Variants in CPED1 observed in about 807,000 individuals in gnomAD.
CPED1 encodes cadherin like and PC-esterase domain containing 1, also known as cadherin-like and PC-esterase domain-containing protein 1.
In CPED1, 114 loss-of-function variants were observed where a neutral mutation model predicts 128.2. That is an observed-to-expected ratio of 0.89 (90% CI 0.76 to 1.04). CPED1 has a LOEUF of 1.04. Ranked by LOEUF, CPED1 falls within the 50% of genes least tolerant of loss-of-function variation. CPED1 has a pLI of 0.00. For missense variants in CPED1, 1,211 were observed against 1,207.1 expected (o/e 1.00, Z -0.05); for synonymous variants, 462 against 426.7 (o/e 1.08, Z -1.02).
chr7:121,086,792 C>T (rs1794435625), intron 5 of CPED1, among the ~76,000 whole-genome samples: 1 of 152,182 alleles, frequency 6.6e-6, no homozygotes, highest in Admixed American at 6.5e-5. Flanking sequence ...TAAGGGTGGC[C>T]ATGAACTTTT....
intron 16 of CPED1, among the ~76,000 whole-genome samples, chr7:121,196,559 A>G (rs1490365516): frequency 6.6e-6 from 1 of 152,156 alleles, no homozygotes; most frequent in Non-Finnish European, 1.5e-5. Flanking sequence ...CTAGGAAAAC[A>G]GATTTGGCTG....
chr7:121,008,452 A>G (rs1792080707), intron 2 of CPED1, among the ~76,000 whole-genome samples: 2 of 152,280 alleles, frequency 1.3e-5, no homozygotes, highest in South Asian at 4.1e-4. Flanking sequence ...AACAGCAAGG[A>G]CCTTCAAGAG....
intron 16 of CPED1, among the ~76,000 whole-genome samples, chr7:121,222,853 T>G (rs1228063501): frequency 6.6e-6 from 1 of 152,214 alleles, no homozygotes; most frequent in Non-Finnish European, 1.5e-5. Context: ...AAGGAGATTT[T>G]GGGCTGAGAC....
intron 16 of CPED1, among the ~76,000 whole-genome samples, chr7:121,183,723 C>T (rs1796944513): frequency 6.6e-6 from 1 of 152,138 alleles, no homozygotes; most frequent in Non-Finnish European, 1.5e-5. Context: ...TTCAGGATTT[C>T]AATTTTGCTT....
intron 2 of CPED1, among the ~76,000 whole-genome samples, chr7:120,997,506 C>A (rs1405898708): frequency 2.0e-5 from 3 of 152,078 alleles, no homozygotes; most frequent in African/African-American, 7.2e-5. Flanking sequence ...ATGTTGAAGC[C>A]CTAAACTCCA....
At chr7:121,013,118 C>G (rs945844647) in intron 2 of CPED1, among the ~76,000 whole-genome samples, 1 of 152,178 alleles carries the variant, frequency 6.6e-6, no homozygotes, top group Non-Finnish European at 1.5e-5. Flanking sequence ...AAGCATCTGT[C>G]TTCCCCTTTC....
At chr7:121,050,856 C>T in intron 4 of CPED1, 1 of 471,138 alleles carries the variant, frequency 2.1e-6, no homozygotes, top group South Asian at 1.5e-5. Flanking sequence ...CGCGAAGGCT[C>T]TCGGTACGAT....
At chr7:121,002,544 C>T (rs10245939) in intron 2 of CPED1, among the ~76,000 whole-genome samples, 71,477 of 151,974 alleles carry the variant, frequency 0.47, 17,914 homozygotes, top group South Asian at 0.65. Context: ...GCTAAACCTA[C>T]TTATCTAAGT....
chr7:121,105,905 G>T (rs1794964848), intron 7 of CPED1, among the ~76,000 whole-genome samples: 4 of 152,056 alleles, frequency 2.6e-5, no homozygotes, highest in African/African-American at 9.7e-5. Flanking sequence ...GAACTTGGAT[G>T]ATTATCCTAA....
intron 3 of CPED1, among the ~76,000 whole-genome samples, chr7:121,041,460 C>G (rs1793050403): frequency 6.6e-6 from 1 of 152,062 alleles, no homozygotes; most frequent in African/African-American, 2.4e-5. Context: ...ACTTAATATT[C>G]TTAGATTTTT....
At chr7:121,211,851 G>A (rs565010462) in intron 16 of CPED1, among the ~76,000 whole-genome samples, 15 of 152,186 alleles carry the variant, frequency 9.9e-5, no homozygotes, top group African/African-American at 3.6e-4. Context: ...CTGCTTAATA[G>A]TAATGATCAA....
chr7:121,123,019 TATA>T lies in CPED1; in HGVS notation c.919-1309_919-1307del, dbSNP rs1426916335. On this transcript the variant is annotated intron_variant, in intron 7 of 22. Transcript: ENST00000310396. ...ACATAATATGGTGAAAGGAATGAAA[TATA>T]ATGAGTTACTTTTACTTGGAAAAAC... Among the ~76,000 whole-genome samples, 4 of 152,284 alleles carry T rather than the reference TATA, an allele frequency of 2.6e-5. No individual in the cohort carries two copies. The East Asian group carries it at 5.8e-4, about 22-fold the overall frequency.
chr7:121,136,027 T>A lies in CPED1; in HGVS notation c.1649-13T>A. 1 of 560,598 alleles carries A rather than the reference T, an allele frequency of 1.8e-6. No homozygotes were observed. The highest frequency in any genetic ancestry group is 2.5e-6 in the Non-Finnish European group (1 of 398,092). 34.7% of individuals were successfully genotyped at this position (560,598 alleles called of 1,614,324 possible). On this transcript the variant is annotated splice_polypyrimidine_tract_variant and intron_variant, in intron 13 of 22. Coordinates refer to ENST00000310396, the MANE Select transcript of CPED1 (RefSeq NM_024913.5). Reference sequence around the variant, plus strand: ...GGTTTTTATTTTAAATTTACATTTCTTTTTTTTTTTAGCTGCAGTTCCACA... The same window carrying A: ...GGTTTTTATTTTAAATTTACATTTCATTTTTTTTTTAGCTGCAGTTCCACA...
chr7:121,286,768 C>T (rs947985361), intron 22 of CPED1, among the ~76,000 whole-genome samples: 1 of 152,088 alleles, frequency 6.6e-6, no homozygotes. Context: ...TGAAGTGGCA[C>T]TAGATGTTCA....
intron 3 of CPED1, among the ~76,000 whole-genome samples, chr7:121,037,748 T>C (rs1792936667): frequency 6.6e-6 from 1 of 152,206 alleles, no homozygotes; most frequent in Non-Finnish European, 1.5e-5. Context: ...TTTGACAGTA[T>C]TAATTCTACT....
At chr7:121,182,397 G>A (rs905522991) in intron 16 of CPED1, among the ~76,000 whole-genome samples, 14 of 151,822 alleles carry the variant, frequency 9.2e-5, no homozygotes, top group Non-Finnish European at 4.4e-5. Context: ...GAGTGATGTG[G>A]CATTTCAGCA....
At chr7:121,269,172 T>G (rs746510202) in intron 21 of CPED1, among the ~76,000 whole-genome samples, 8 of 152,028 alleles carry the variant, frequency 5.3e-5, no homozygotes, top group Non-Finnish European at 1.0e-4. Context: ...TTCCTCCCGC[T>G]TCTTGTAGAC....
intron 22 of CPED1, among the ~76,000 whole-genome samples, chr7:121,272,785 G>A (rs969739344): frequency 6.6e-6 from 1 of 151,972 alleles, no homozygotes; most frequent in Non-Finnish European, 1.5e-5. Flanking sequence ...AACCCCAAGA[G>A]ACATGTGCTT....
chr7:121,109,442 T>C (rs1342733040), intron 7 of CPED1, among the ~76,000 whole-genome samples: 2 of 152,154 alleles, frequency 1.3e-5, no homozygotes, highest in Admixed American at 6.6e-5. Flanking sequence ...AGCAAGTCTT[T>C]AAAATTTAGA....
Sources: gnomAD v4.1 joint callset for allele counts (sites outside exome capture counted in the v4.1 genomes callset) on GRCh38, gnomAD v4.1.1 for gene constraint, MANE v1.5 for transcripts, NCBI Gene and HGNC (gene_info 2026-07-23, HGNC 2026-07-21) for gene names.